The following CLEC3B variants were observed in gnomAD, a reference collection of about 807,000 sequenced individuals.
CLEC3B encodes tetranectin.
CLEC3B carries 13 observed loss-of-function variants against 15.4 expected under a neutral mutation model. The ratio of observed to expected loss-of-function variants is 0.84; its 90% CI spans 0.55 to 1.34. The LOEUF (loss-of-function observed/expected upper bound fraction) is 1.34. Ranked by LOEUF, CLEC3B falls within the 40% of genes most tolerant of loss-of-function variation. The pLI, the probability that CLEC3B is intolerant of heterozygous loss-of-function variation, is 0.00. For missense variants in CLEC3B, 242 were observed against 268.6 expected (o/e 0.90, Z 0.69); for synonymous variants, 112 against 114.7 (o/e 0.98, Z 0.15).
chr3:45,027,115 C>T (rs1180105028), intron 1 of CLEC3B, among the ~76,000 whole-genome samples: 4 of 152,204 alleles, frequency 2.6e-5, no homozygotes, highest in Non-Finnish European at 5.9e-5. Context: ...CTTGCAGCCC[C>T]GCCTGCAGTG....
At position 45,026,324 on chromosome 3, in the gene CLEC3B, C is replaced by T; in HGVS notation, c.-39C>T. 1 of 1,565,336 alleles carries T rather than the reference C, an allele frequency of 6.4e-7. No individual in the cohort carries two copies. Among genetic ancestry groups the T allele is most frequent in the Non-Finnish European group, 8.8e-7 (1 of 1,139,898 alleles). On this transcript the variant is annotated 5_prime_UTR_variant, in exon 1 of 3. Coordinates refer to ENST00000296130, the MANE Select transcript of CLEC3B (RefSeq NM_003278.3). ...GGCTGTCACTGCGTTCGGACCCAGACCCGCTGCAGGCAGCAGCAGCCCCCG... is the reference window on the plus strand; with the variant it reads ...GGCTGTCACTGCGTTCGGACCCAGATCCGCTGCAGGCAGCAGCAGCCCCCG...
At chr3:45,029,156 G>GA (rs1553702816) in intron 1 of CLEC3B, among the ~76,000 whole-genome samples, 1 of 152,032 alleles carries the variant, frequency 6.6e-6, no homozygotes, top group African/African-American at 2.4e-5. Flanking sequence ...CTCAGGTGGA[G>GA]CTAATGAGAG....
rs3216801 is a variant in CLEC3B at position 45,026,564 on chromosome 3, CT to C, written c.109+97del. 377 of 1,176,760 alleles carry C rather than the reference CT, an allele frequency of 3.2e-4. 2 individuals are homozygous for C. The East Asian group carries it at 8.3e-3, about 26-fold the overall frequency. The allele number at this position is 1,176,760 out of a possible 1,614,324, so 72.9% of individuals were successfully genotyped here. Reference sequence around the variant, plus strand: ...CATGCTCCTTTCCTTCATTTTCCTCCTTTTGAGTCATCTAGGGAACTTGAGT... The same window carrying C: ...CATGCTCCTTTCCTTCATTTTCCTCCTTTGAGTCATCTAGGGAACTTGAGT... On this transcript the variant is annotated intron_variant, in intron 1 of 2. Transcript: ENST00000296130.
intron 2 of CLEC3B, chr3:45,034,340 A>G (rs1165390875): frequency 6.6e-6 from 1 of 152,220 alleles, no homozygotes; most frequent in Admixed American, 6.5e-5. Context: ...TTCAGGCCCC[A>G]TGTTTAAAGT....
At chr3:45,034,276 G>A (rs985761612) in intron 2 of CLEC3B, among the ~76,000 whole-genome samples, 2 of 152,228 alleles carry the variant, frequency 1.3e-5, no homozygotes, top group African/African-American at 4.8e-5. Context: ...AGGATAGCAC[G>A]AGGTAGGACA....
At chr3:45,033,406 C>G (rs1697592266) in intron 2 of CLEC3B, among the ~76,000 whole-genome samples, 1 of 152,172 alleles carries the variant, frequency 6.6e-6, no homozygotes, top group African/African-American at 2.4e-5. Flanking sequence ...ATCACCTTTT[C>G]AATAAACCCA....
At chr3:45,028,959 G>T (rs1697519426) in intron 1 of CLEC3B, among the ~76,000 whole-genome samples, 1 of 152,236 alleles carries the variant, frequency 6.6e-6, no homozygotes, top group Non-Finnish European at 1.5e-5. Flanking sequence ...GTCACACCTG[G>T]CAGGGAAGCT....
At chr3:45,034,952 G>A (rs1330020065) in intron 2 of CLEC3B, among the ~76,000 whole-genome samples, 12 of 152,204 alleles carry the variant, frequency 7.9e-5, no homozygotes, top group Admixed American at 7.8e-4. Context: ...GCTGTAGGTG[G>A]GCAGGTGCCC....
chr3:45,028,174 C>T (rs1239530724), intron 1 of CLEC3B, among the ~76,000 whole-genome samples: 1 of 152,234 alleles, frequency 6.6e-6, no homozygotes, highest in African/African-American at 2.4e-5. Context: ...GCTGGACACA[C>T]AGCAGAGAAA....
chr3:45,035,331 A>C (rs4683029), intron 2 of CLEC3B, among the ~76,000 whole-genome samples, 193 bp from the exon 3 acceptor site: 42 of 152,022 alleles, frequency 2.8e-4, no homozygotes, highest in African/African-American at 9.6e-4. Flanking sequence ...GGATCTGTAC[A>C]TTAGTGGCCA....
intron 1 of CLEC3B, among the ~76,000 whole-genome samples, chr3:45,027,487 G>GA: frequency 6.6e-6 from 1 of 152,284 alleles, no homozygotes; most frequent in South Asian, 2.1e-4. Flanking sequence ...AGTGAAAAAA[G>GA]AAACATTCAA....
At chr3:45,035,331 A>G (rs4683029) in intron 2 of CLEC3B, among the ~76,000 whole-genome samples, 193 bp from the exon 3 acceptor site, 76,674 of 151,954 alleles carry the variant, frequency 0.5, 20,386 homozygotes, top group East Asian at 0.87. Flanking sequence ...GGATCTGTAC[A>G]TTAGTGGCCA....
intron 1 of CLEC3B, 136 bp downstream of exon 1, chr3:45,026,607 C>A: frequency 2.7e-6 from 2 of 732,010 alleles, no homozygotes; most frequent in Admixed American, 2.4e-5. Context: ...GGCTTTGGGG[C>A]TTGGGGGAGT....
In CLEC3B at chr3:45,035,750, G is replaced by A. The variant is rs537804795; in HGVS notation, c.435G>A (p.Val145=). The change falls in exon 3 of 3, where the codon GTG becomes GTA. Residue 145 remains valine (V), a synonymous_variant. Transcript: ENST00000296130. ...ACATGGCGGCCGAGGGCACCTGGGT[G>A]GACATGACCGGCGCCCGCATCGCCT... ...LNDMAAEGTW[V]DMTGARIAYK... is the part of the protein sequence containing the mutation. 1 of 1,613,742 alleles carries A rather than the reference G, an allele frequency of 6.2e-7. No individual in the cohort carries two copies. Among genetic ancestry groups the A allele is most frequent in the African/African-American group, 1.3e-5 (1 of 75,076 alleles).
rs766979981 is a variant in CLEC3B at position 45,030,112 on chromosome 3, A to G, written c.110-715A>G. On this transcript the variant is annotated intron_variant, in intron 1 of 2. Coordinates refer to ENST00000296130, the MANE Select transcript of CLEC3B (RefSeq NM_003278.3). ...TCATAGGGTTGATTATGAGCATCAC[A>G]TGGGGTGACATGTAGAACGGCTTAG... The G allele has an allele frequency of 3.2e-6, 3 of 925,976 alleles. No homozygotes were observed. The African/African-American group carries it at 5.4e-5, about 17-fold the overall frequency. The allele number at this position is 925,976 out of a possible 1,614,324, so 57.4% of individuals were successfully genotyped here.
At chr3:45,027,426 G>A (rs1697498901) in intron 1 of CLEC3B, among the ~76,000 whole-genome samples, 1 of 152,212 alleles carries the variant, frequency 6.6e-6, no homozygotes, top group African/African-American at 2.4e-5. Context: ...ACAAAGAATG[G>A]GGCAAATCTG....
Position 45,035,702 on chromosome 3 carries a change from C to A in CLEC3B, c.387C>A (p.Ala129=). Reference sequence around the variant, plus strand: ...TGCGCCAGAGCGTGGGCAACGAGGCCGAGATCTGGCTGGGCCTCAACGACA... The same window carrying A: ...TGCGCCAGAGCGTGGGCAACGAGGCAGAGATCTGGCTGGGCCTCAACGACA... ...EYLRQSVGNE[A]EIWLGLNDMA... is the part of the protein sequence containing the mutation. Residue 129 remains alanine, a synonymous_variant, in exon 3 of 3, where the codon GCC becomes GCA. Coordinates refer to ENST00000296130, the MANE Select transcript of CLEC3B (RefSeq NM_003278.3). 1 of 1,613,852 alleles carries A rather than the reference C, an allele frequency of 6.2e-7. No individual in the cohort carries two copies. Among genetic ancestry groups the A allele is most frequent in the Non-Finnish European group, 8.5e-7 (1 of 1,180,032 alleles).
chr3:45,026,421 C>T lies in CLEC3B; in HGVS notation c.59C>T (p.Thr20Ile), dbSNP rs1697485909. 2 of 1,614,182 alleles carry T rather than the reference C, an allele frequency of 1.2e-6. No individual in the cohort carries two copies. The highest frequency in any genetic ancestry group is 1.3e-5 in the African/African-American group (1 of 75,034). The change falls in exon 1 of 3, where the codon ACC (threonine) becomes ATC (isoleucine). Residue 20 changes from threonine to isoleucine, a missense_variant. Thr to Ile is a moderately conservative substitution (Grantham distance 89, BLOSUM62 -1). Transcript: ENST00000296130. ...LCLFSLLTQV[T>I]TEPPTQKPKK... The stretch of plus-strand genomic sequence containing the variant: ...CTCTTCTCCCTCCTGACCCAGGTCA[C>T]CACCGAGCCACCAACCCAGAAGCCC...
At chr3:45,027,219 G>A (rs919975273) in intron 1 of CLEC3B, among the ~76,000 whole-genome samples, 1 of 152,230 alleles carries the variant, frequency 6.6e-6, no homozygotes, top group Non-Finnish European at 1.5e-5. Flanking sequence ...CTAGAAGAGA[G>A]TCCAAGGGGA....
Sources: gnomAD v4.1 joint callset for allele counts (sites outside exome capture counted in the v4.1 genomes callset) on GRCh38, gnomAD v4.1.1 for gene constraint, MANE v1.5 for transcripts, NCBI Gene and HGNC (gene_info 2026-07-23, HGNC 2026-07-21) for gene names.